The following PLEKHA1 variants were observed in gnomAD, a reference collection of about 807,000 sequenced individuals.
PLEKHA1 encodes pleckstrin homology domain containing A1, also known as pleckstrin homology domain-containing family A member 1.
In PLEKHA1, 34 loss-of-function variants were observed where a neutral mutation model predicts 52.0. The ratio of observed to expected loss-of-function variants is 0.65; its 90% CI spans 0.50 to 0.87. PLEKHA1 has a LOEUF of 0.87. Ranked by LOEUF, PLEKHA1 falls within the 40% of genes least tolerant of loss-of-function variation. The pLI is 0.00. For synonymous variants in PLEKHA1, 163 were observed against 170.7 expected (o/e 0.95, Z 0.35); for missense variants, 497 against 504.2 (o/e 0.99, Z 0.14).
At chr10:122,386,777 A>C (rs923122463) in intron 1 of PLEKHA1, 20 of 152,202 alleles carry the variant, frequency 1.3e-4, no homozygotes, top group Admixed American at 5.2e-4. Context: ...AATTTTTAAA[A>C]GACCGGTGTT....
chr10:122,401,367 A>G (rs955525775), intron 4 of PLEKHA1, among the ~76,000 whole-genome samples: 1 of 152,172 alleles, frequency 6.6e-6, no homozygotes. Context: ...GTTTTGATAT[A>G]GGTAGACTGG....
In PLEKHA1 at chr10:122,424,904, T is replaced by G. The variant is rs781683861; in HGVS notation, c.755T>G (p.Met252Arg). ...KVQECKQSDI[M>R]MRDNLFEIVT... Reference sequence around the variant, plus strand: ...ATTTTTTTTTCATACAGCGACATAATGATGAGGGACAACCTCTTTGAAATT... The same window carrying G: ...ATTTTTTTTTCATACAGCGACATAAGGATGAGGGACAACCTCTTTGAAATT... The change falls in exon 10 of 12, where the codon ATG (methionine) becomes AGG (arginine). Residue 252 changes from methionine to arginine, a missense_variant. Met to Arg is a moderately conservative substitution (Grantham distance 91, BLOSUM62 -1). Coordinates refer to ENST00000368990, the MANE Select transcript of PLEKHA1 (RefSeq NM_001001974.4). 1 of 1,609,638 alleles carries G rather than the reference T, an allele frequency of 6.2e-7. No individual in the cohort carries two copies. Among genetic ancestry groups the G allele is most frequent in the Admixed American group, 1.7e-5 (1 of 59,370 alleles).
chr10:122,379,658 G>T (rs1178463823), intron 1 of PLEKHA1, among the ~76,000 whole-genome samples: 1 of 152,178 alleles, frequency 6.6e-6, no homozygotes, highest in Non-Finnish European at 1.5e-5. Context: ...GCTGATTAGG[G>T]TGCCAGAGCC....
intron 8 of PLEKHA1, chr10:122,423,456 A>G (rs906786653): frequency 2.0e-5 from 3 of 150,700 alleles, no homozygotes; most frequent in African/African-American, 7.3e-5. Context: ...AAACAACAAC[A>G]CTCTGTCATG....
rs1276052137 is a variant in PLEKHA1 at position 122,393,700 on chromosome 10, A to G, written c.141+359A>G. Among the ~76,000 whole-genome samples the G allele has an allele frequency of 1.3e-5, 2 of 152,204 alleles. No individual in the cohort carries two copies. Among genetic ancestry groups the G allele is most frequent in the Admixed American group, 1.3e-4 (2 of 15,278 alleles). On this transcript the variant is annotated intron_variant, in intron 2 of 11. Coordinates refer to ENST00000368990, the MANE Select transcript of PLEKHA1 (RefSeq NM_001001974.4). The surrounding 1 kb of genome is among the most constrained non-coding windows in gnomAD (Gnocchi z 4.5). ...ACTTTTTTTGTAACATGTATTTCAA[A>G]CAACAGCTAAAATAAAGACCAGGGA...
rs1332663484 is a variant in PLEKHA1, at chr10:122,393,658, T to A, written c.141+317T>A. 6.6e-6 allele frequency among the ~76,000 whole-genome samples: 1 copy of A among 152,170 alleles called. No homozygotes were observed. The highest frequency in any genetic ancestry group is 1.5e-5 in the Non-Finnish European group (1 of 68,028). On this transcript the variant is annotated intron_variant, in intron 2 of 11. Transcript: ENST00000368990. This position sits in a 1 kb window ranked among gnomAD's most constrained non-coding sequence, Gnocchi z 4.5. The stretch of plus-strand genomic sequence containing the variant: ...CAGAAAAAAATAACAATTGAAGCTG[T>A]CCCAAAAATAAGAAATACTTTTTTT...
intron 1 of PLEKHA1, among the ~76,000 whole-genome samples, chr10:122,382,065 C>T (rs892734784): frequency 3.9e-5 from 6 of 152,080 alleles, no homozygotes; most frequent in Non-Finnish European, 7.4e-5. Flanking sequence ...ATGAAATATT[C>T]CTTAGGGTTT....
At chr10:122,378,920 TCTTTC>T (rs1310760020) in intron 1 of PLEKHA1, among the ~76,000 whole-genome samples, 3 of 152,174 alleles carry the variant, frequency 2.0e-5, no homozygotes, top group African/African-American at 7.2e-5. Flanking sequence ...CTGGGATACT[TCTTTC>T]CTTTCCCTCT....
intron 8 of PLEKHA1, 40 bp downstream of exon 8, chr10:122,418,008 G>T: frequency 6.7e-7 from 1 of 1,491,790 alleles, no homozygotes; most frequent in South Asian, 1.1e-5. Flanking sequence ...AAGAATGTTT[G>T]AAAAGTGTTG....
chr10:122,425,571 TAGCC>T, intron 10 of PLEKHA1: 1 of 151,956 alleles, frequency 6.6e-6, no homozygotes, highest in Middle Eastern at 3.4e-3. Context: ...ATACAAACAT[TAGCC>T]AGCCGTGGTG....
intron 8 of PLEKHA1, 39 bp from the exon 9 acceptor site, chr10:122,424,160 A>G: frequency 6.6e-7 from 1 of 1,519,866 alleles, no homozygotes; most frequent in Non-Finnish European, 8.8e-7. Context: ...AAGAATAAAC[A>G]TCATGTAACT....
chr10:122,415,028 T>C (rs1339255293), intron 6 of PLEKHA1, among the ~76,000 whole-genome samples: 1 of 152,122 alleles, frequency 6.6e-6, no homozygotes, highest in East Asian at 1.9e-4. Context: ...GCAGCTTTTT[T>C]CCTAATAGCT....
chr10:122,400,157 C>A (rs543365799), intron 3 of PLEKHA1, among the ~76,000 whole-genome samples, 186 bp from the exon 4 acceptor site: 1 of 152,180 alleles, frequency 6.6e-6, no homozygotes, highest in Non-Finnish European at 1.5e-5. Context: ...TTACCTCTTA[C>A]AGTTGGGAAC....
At chr10:122,405,333 T>C (rs1191891712) in intron 4 of PLEKHA1, among the ~76,000 whole-genome samples, 1 of 152,078 alleles carries the variant, frequency 6.6e-6, no homozygotes, top group African/African-American at 2.4e-5. Context: ...TCAAAAATAC[T>C]GTTAAAGTAA....
At chr10:122,375,615 A>G (rs2096521511) in intron 1 of PLEKHA1, among the ~76,000 whole-genome samples, 1 of 152,208 alleles carries the variant, frequency 6.6e-6, no homozygotes, top group Admixed American at 6.5e-5. Context: ...GTGTGTCATA[A>G]TGAAAGCGGT....
intron 5 of PLEKHA1, among the ~76,000 whole-genome samples, chr10:122,411,252 T>C (rs983522073): frequency 6.6e-6 from 1 of 152,142 alleles, no homozygotes; most frequent in Non-Finnish European, 1.5e-5. Context: ...GCCTGGGGCC[T>C]GAGAGAAACC....
intron 11 of PLEKHA1, 119 bp downstream of exon 11, chr10:122,427,150 T>C: frequency 1.1e-6 from 1 of 937,996 alleles, no homozygotes; most frequent in South Asian, 1.8e-5. Flanking sequence ...TGTTGACTTT[T>C]ATACCAATTG....
At chr10:122,406,270 G>A (rs2097013619) in intron 4 of PLEKHA1, among the ~76,000 whole-genome samples, 4 of 152,126 alleles carry the variant, frequency 2.6e-5, no homozygotes, top group Admixed American at 2.6e-4. Context: ...AGAAATATAT[G>A]TATATGATGT....
At chr10:122,399,509 G>C (rs1205519960) in intron 3 of PLEKHA1, among the ~76,000 whole-genome samples, 3 of 152,078 alleles carry the variant, frequency 2.0e-5, no homozygotes, top group Non-Finnish European at 4.4e-5. Context: ...CCTCATAGCA[G>C]ATTAATGTCT....
Sources: gnomAD v4.1 joint callset for allele counts (sites outside exome capture counted in the v4.1 genomes callset) on GRCh38, gnomAD v4.1.1 for gene constraint, Gnocchi (gnomAD v3.1) non-coding constraint, MANE v1.5 for transcripts, NCBI Gene and HGNC (gene_info 2026-07-23, HGNC 2026-07-21) for gene names.